ALPK1: variants seen among roughly 807,000 people sequenced by gnomAD.
ALPK1 encodes the protein alpha kinase 1.
ALPK1 carries 110 observed loss-of-function variants against 120.6 expected under a neutral mutation model. The ratio of observed to expected loss-of-function variants is 0.91; its 90% CI spans 0.78 to 1.07. ALPK1 has a LOEUF of 1.07. Among genes scored for constraint, ALPK1 ranks in the 50% least tolerant of loss-of-function variants. ALPK1 has a pLI of 0.00. For missense variants in ALPK1, 1,498 were observed against 1,483.9 expected, an observed-to-expected ratio of 1.01 and a Z score of -0.16; for synonymous variants, 582 against 560.3, an observed-to-expected ratio of 1.04 and a Z score of -0.55.
At chr4:112,440,841 G>A (rs1049516778) in intron 14 of ALPK1, 76 bp from the exon 15 acceptor site, 20 of 1,526,922 alleles carry the variant, frequency 1.3e-5, no homozygotes, top group Middle Eastern at 2.5e-4. Context: ...GTGTGTGTGT[G>A]TGTATGTATT....
chr4:112,325,912 C>G (rs549113330), intron 2 of ALPK1, among the ~76,000 whole-genome samples: 1 of 152,272 alleles, frequency 6.6e-6, no homozygotes, highest in Admixed American at 6.5e-5. Context: ...GGATTTCACC[C>G]AGGCTTCCCT....
At chr4:112,326,230 A>T (rs1729111045) in intron 2 of ALPK1, among the ~76,000 whole-genome samples, 1 of 152,180 alleles carries the variant, frequency 6.6e-6, no homozygotes, top group Non-Finnish European at 1.5e-5. Flanking sequence ...CCCTGCTACA[A>T]GCCCCTTTGC....
Position 112,358,749 on chromosome 4 carries a change from G to A in ALPK1, c.-100-18929G>A, listed in dbSNP as rs568280786. On this transcript the variant is annotated intron_variant, in intron 2 of 15. Transcript: ENST00000650871. ...GCTGGTCAGCCACTCGGAGGAGCCC[G>A]TGGCTGGTGCACAGATGAACACGGC... 2.4e-5 allele frequency: 19 copies of A among 800,480 alleles called. 1 individual carries two copies. The highest frequency in any genetic ancestry group is 1.7e-4 in the African/African-American group (10 of 59,908). 49.6% of individuals were successfully genotyped at this position (800,480 alleles called of 1,614,324 possible). A position where few individuals can be genotyped will look rare whatever the true frequency, so the allele number is the denominator to read the frequency against.
intron 1 of ALPK1, among the ~76,000 whole-genome samples, chr4:112,308,311 G>C (rs920322552): frequency 6.6e-6 from 1 of 152,088 alleles, no homozygotes; most frequent in Non-Finnish European, 1.5e-5. Context: ...CTAGGTTGGG[G>C]AAGTTGTCCT....
At chr4:112,331,619 C>A (rs1262641642) in intron 2 of ALPK1, among the ~76,000 whole-genome samples, 2 of 152,160 alleles carry the variant, frequency 1.3e-5, no homozygotes, top group African/African-American at 4.8e-5. Context: ...TTACATATGA[C>A]AGTGTATTAT....
chr4:112,351,567 G>A (rs983344003), intron 2 of ALPK1, among the ~76,000 whole-genome samples: 2 of 151,736 alleles, frequency 1.3e-5, no homozygotes, highest in African/African-American at 4.8e-5. Flanking sequence ...TCTGCCTCCC[G>A]GGTCCAAGCA....
Position 112,430,740 on chromosome 4 carries a change from G to T in ALPK1, c.1193G>T (p.Ser398Ile). 6.2e-7 allele frequency: 1 copy of T among 1,614,242 alleles called. No individual in the cohort carries two copies. The highest frequency in any genetic ancestry group is 8.5e-7 in the Non-Finnish European group (1 of 1,180,052). The stretch of plus-strand genomic sequence containing the variant: ...TACAATTTCAGCACTTCCTCCAGAA[G>T]TCAGGACAGAGAAGCTCTGTCTCAA... ...KLYNFSTSSRSQDREALSQEV... is the reference protein window; with the variant it reads ...KLYNFSTSSRIQDREALSQEV... Residue 398 changes from serine to isoleucine, a missense_variant, in exon 11 of 16, where the codon AGT (serine) becomes ATT (isoleucine). Transcript: ENST00000650871.
At chr4:112,356,322 A>T in intron 2 of ALPK1, 1 of 914,782 alleles carries the variant, frequency 1.1e-6, no homozygotes, top group South Asian at 1.3e-5. Flanking sequence ...CACCTCCAAG[A>T]CACCATCTTT....
At chr4:112,426,228 T>A (rs1734225778) in intron 7 of ALPK1, 1 of 282,416 alleles carries the variant, frequency 3.5e-6, no homozygotes, top group Non-Finnish European at 6.5e-6. Flanking sequence ...TAACTACATA[T>A]ATTACACATA....
Position 112,358,959 on chromosome 4 carries a change from C to A in ALPK1, c.-100-18719C>A, listed in dbSNP as rs866653448. 24 of 768,754 alleles carry A rather than the reference C, an allele frequency of 3.1e-5. 1 individual carries two copies. Among genetic ancestry groups the A allele is most frequent in the Admixed American group, 1.7e-5 (1 of 58,500 alleles). 47.6% of individuals were successfully genotyped at this position (768,754 alleles called of 1,614,324 possible). A position where few individuals can be genotyped will look rare whatever the true frequency, so the allele number is the denominator to read the frequency against. ...CCAGGGCTTCTACCAGTTTGTGCAG[C>A]CCCACCACAAGCAGCAGTTTGAGGA... On this transcript the variant is annotated intron_variant, in intron 2 of 15. Coordinates refer to ENST00000650871, the MANE Select transcript of ALPK1 (RefSeq NM_025144.4).
At chr4:112,420,798 T>C (rs893120564) in intron 5 of ALPK1, among the ~76,000 whole-genome samples, 5 of 152,050 alleles carry the variant, frequency 3.3e-5, no homozygotes, top group African/African-American at 1.2e-4. Flanking sequence ...CATCCTTCCT[T>C]GTCTATAAAA....
chr4:112,336,613 C>T (rs1729632149), intron 2 of ALPK1, among the ~76,000 whole-genome samples: 1 of 152,086 alleles, frequency 6.6e-6, no homozygotes, highest in Admixed American at 6.5e-5. Flanking sequence ...TCTTAAATAG[C>T]TTGAATCCAT....
chr4:112,393,953 A>G (rs1434344700), intron 4 of ALPK1, among the ~76,000 whole-genome samples: 1 of 151,994 alleles, frequency 6.6e-6, no homozygotes, highest in Non-Finnish European at 1.5e-5. Context: ...TATATACTGT[A>G]TATATAATTC....
intron 4 of ALPK1, among the ~76,000 whole-genome samples, chr4:112,401,000 C>A (rs557265514): frequency 6.6e-6 from 1 of 152,006 alleles, no homozygotes; most frequent in Non-Finnish European, 1.5e-5. Flanking sequence ...CCAGAGTGCT[C>A]AACTCTGGCT....
At chr4:112,341,731 G>A (rs932964482) in intron 2 of ALPK1, among the ~76,000 whole-genome samples, 7 of 152,162 alleles carry the variant, frequency 4.6e-5, no homozygotes, top group Admixed American at 4.6e-4. Context: ...AACAACAGGT[G>A]CTTTTGTTTA....
intron 2 of ALPK1, among the ~76,000 whole-genome samples, chr4:112,335,261 C>CT (rs1306907282): frequency 1.2e-3 from 145 of 122,062 alleles, no homozygotes; most frequent in African/African-American, 4.6e-3. Flanking sequence ...GAAAATCTGT[C>CT]TAAAAAAAAA....
chr4:112,333,775 G>A (rs985575815), intron 2 of ALPK1, among the ~76,000 whole-genome samples: 2 of 152,136 alleles, frequency 1.3e-5, no homozygotes, highest in South Asian at 2.1e-4. Flanking sequence ...TTCTATTGGT[G>A]TGTAAGCCCA....
At chr4:112,314,876 CTTTTTTTTT>C (rs763492984) in intron 1 of ALPK1, among the ~76,000 whole-genome samples, 34 of 99,648 alleles carry the variant, frequency 3.4e-4, no homozygotes, top group Middle Eastern at 7.8e-3. Context: ...AATCCATTGC[CTTTTTTTTT>C]TTTTTTTTTT....
In ALPK1 at chr4:112,368,548, G is replaced by A. The variant is rs113811626; in HGVS notation, c.-100-9130G>A. Among the ~76,000 whole-genome samples the A allele has an allele frequency of 4.1e-3, 621 of 152,268 alleles. 4 individuals are homozygous for A. Among genetic ancestry groups the A allele is most frequent in the African/African-American group, 0.014 (592 of 41,546 alleles). ...ATGCGTCTTAGTATTTTATGGGTGGGAATTCTTTGAAGCTTGGATTGAGGT... is the reference window on the plus strand; with the variant it reads ...ATGCGTCTTAGTATTTTATGGGTGGAAATTCTTTGAAGCTTGGATTGAGGT... On this transcript the variant is annotated intron_variant, in intron 2 of 15. Transcript: ENST00000650871.
Sources: gnomAD v4.1 joint callset for allele counts (sites outside exome capture counted in the v4.1 genomes callset) on GRCh38, gnomAD v4.1.1 for gene constraint, MANE v1.5 for transcripts, NCBI Gene and HGNC (gene_info 2026-07-23, HGNC 2026-07-21) for gene names.